Variants in ATOSA observed in about 807,000 individuals in gnomAD.
ATOSA encodes the protein atos homolog protein A.
the ATOSA span, among the ~76,000 whole-genome samples, chr15:52,682,662 G>T: frequency 6.6e-6 from 1 of 152,128 alleles, no homozygotes; most frequent in African/African-American, 2.4e-5. Context: ...TTTAAAGATG[G>T]TAATCAGTAC....
the ATOSA span, among the ~76,000 whole-genome samples, chr15:52,603,360 C>A: frequency 2.6e-5 from 4 of 152,074 alleles, no homozygotes; most frequent in African/African-American, 9.7e-5. Context: ...AAAAGGGAAA[C>A]CCTCATACAC....
chr15:52,601,594 G>A, the ATOSA span, among the ~76,000 whole-genome samples: 2 of 150,366 alleles, frequency 1.3e-5, no homozygotes, highest in Non-Finnish European at 2.9e-5. Context: ...CACTGCCCAC[G>A]CTTTGCCCAT....
At chr15:52,659,707 A>G in the ATOSA span, among the ~76,000 whole-genome samples, 2 of 152,216 alleles carry the variant, frequency 1.3e-5, no homozygotes, top group Admixed American at 6.5e-5. Context: ...ATGAAAGACA[A>G]GACTTGAGTG....
the ATOSA span, among the ~76,000 whole-genome samples, chr15:52,642,627 T>G: frequency 1.3e-5 from 2 of 152,206 alleles, no homozygotes; most frequent in Non-Finnish European, 2.9e-5. Flanking sequence ...TTTTGCTTTT[T>G]GTGACTTGAA....
the ATOSA span, chr15:52,629,695 G>A: frequency 4.8e-3 from 1,792 of 369,990 alleles, 31 homozygotes; most frequent in African/African-American, 0.035. Flanking sequence ...TCTGCTACTC[G>A]AGAGGCTGAG....
At chr15:52,594,490 C>T in the ATOSA span, among the ~76,000 whole-genome samples, 2 of 152,226 alleles carry the variant, frequency 1.3e-5, no homozygotes, top group South Asian at 2.1e-4. Context: ...AGTAGCATTC[C>T]TTTGATTAAT....
At chr15:52,606,277 T>C in the ATOSA span, among the ~76,000 whole-genome samples, 1 of 152,158 alleles carries the variant, frequency 6.6e-6, no homozygotes, top group Non-Finnish European at 1.5e-5. Flanking sequence ...CACAGCACTA[T>C]GTTTTTGACG....
At chr15:52,634,379 G>A in the ATOSA span, among the ~76,000 whole-genome samples, 1 of 151,990 alleles carries the variant, frequency 6.6e-6, no homozygotes, top group Non-Finnish European at 1.5e-5. Flanking sequence ...ACTCCAGCCT[G>A]GGTGACAAAG....
chr15:52,584,961 G>T, the ATOSA span: 7 of 1,558,248 alleles, frequency 4.5e-6, no homozygotes, highest in Middle Eastern at 1.7e-4. Context: ...AAACAATATA[G>T]AAATTATTCT....
the ATOSA span, among the ~76,000 whole-genome samples, chr15:52,621,337 TA>T: frequency 6.6e-6 from 1 of 152,310 alleles, no homozygotes; most frequent in African/African-American, 2.4e-5. Context: ...AGCAAACACA[TA>T]ATCCCACATA....
the ATOSA span, among the ~76,000 whole-genome samples, chr15:52,627,723 A>T: frequency 6.6e-6 from 1 of 151,878 alleles, no homozygotes; most frequent in Non-Finnish European, 1.5e-5. Flanking sequence ...TATGATTTTT[A>T]AAAACAATTT....
At chr15:52,636,496 T>TAAAG in the ATOSA span, among the ~76,000 whole-genome samples, 1 of 152,138 alleles carries the variant, frequency 6.6e-6, no homozygotes, top group East Asian at 1.9e-4. Context: ...ACTGGGAATA[T>TAAAG]AAAGAAATGT....
chr15:52,604,235 C>T, the ATOSA span, among the ~76,000 whole-genome samples: 1 of 152,220 alleles, frequency 6.6e-6, no homozygotes, highest in African/African-American at 2.4e-5. Flanking sequence ...TCCTGGCTAA[C>T]ACGGTGAAAC....
chr15:52,647,791 AAT>A, the ATOSA span, among the ~76,000 whole-genome samples: 2 of 152,214 alleles, frequency 1.3e-5, no homozygotes, highest in African/African-American at 2.4e-5. Context: ...AAACTGTATG[AAT>A]ATGTTATCAA....
At chr15:52,611,002 C>T in the ATOSA span, 4 of 1,115,766 alleles carry the variant, frequency 3.6e-6, no homozygotes, top group South Asian at 2.0e-5. Flanking sequence ...TTTGAAAAAC[C>T]TCAGTAAATT....
chr15:52,658,088 ATCATATTC>A, the ATOSA span: 1 of 152,218 alleles, frequency 6.6e-6, no homozygotes, highest in Non-Finnish European at 1.5e-5. Flanking sequence ...TTTTTACCAT[ATCATATTC>A]AACAAACATG....
the ATOSA span, among the ~76,000 whole-genome samples, chr15:52,613,353 G>A: frequency 1.0e-3 from 152 of 152,304 alleles, 1 homozygote; most frequent in East Asian, 0.026. Flanking sequence ...GCAACAGAGC[G>A]AGACTCCGTC....
chr15:52,662,207 GGA>G, the ATOSA span, among the ~76,000 whole-genome samples: 2 of 152,160 alleles, frequency 1.3e-5, no homozygotes, highest in African/African-American at 4.8e-5. Context: ...TTATCTGGTT[GGA>G]GAGAGAAGAA....
the ATOSA span, among the ~76,000 whole-genome samples, chr15:52,673,104 T>C: frequency 6.6e-6 from 1 of 152,236 alleles, no homozygotes; most frequent in African/African-American, 2.4e-5. Flanking sequence ...TGTCCAAAAA[T>C]AATAGCAGTT....
Sources: allele counts gnomAD v4.1 joint callset (sites outside exome capture counted in the v4.1 genomes callset), GRCh38; gene constraint gnomAD v4.1.1; transcripts MANE v1.5; gene names NCBI Gene and HGNC (gene_info 2026-07-23, HGNC 2026-07-21).